The following TLR6 variants were observed in gnomAD, a reference collection of about 807,000 sequenced individuals.
TLR6 encodes the protein toll like receptor 6, also known as toll-like receptor 6.
Under a neutral mutation model 16.1 loss-of-function variants are expected in TLR6, and 9 were observed. That is an observed-to-expected ratio of 0.56 (90% CI 0.34 to 0.98). The LOEUF (loss-of-function observed/expected upper bound fraction) is 0.98, where lower values mean the gene tolerates loss of function less well. Ranked by LOEUF, TLR6 falls within the 50% of genes least tolerant of loss-of-function variation. The pLI is 0.02. For missense variants in TLR6, 786 were observed against 921.0 expected, an observed-to-expected ratio of 0.85 and a Z score of 1.90; for synonymous variants, 340 against 338.6, an observed-to-expected ratio of 1.00 and a Z score of -0.04.
At chr4:38,867,293 G>A in the TLR6 span, among the ~76,000 whole-genome samples, 21 of 152,320 alleles carry the variant, frequency 1.4e-4, no homozygotes, top group East Asian at 2.9e-3. Context: ...CACAAATGTG[G>A]AATTCCTAGG....
Position 38,827,153 on chromosome 4 carries a change from C to T in TLR6, c.2321G>A (p.Trp774Ter). 1 of 1,614,022 alleles carries T rather than the reference C, an allele frequency of 6.2e-7. No individual in the cohort carries two copies. The highest frequency in any genetic ancestry group is 8.5e-7 in the Non-Finnish European group (1 of 1,179,978). Reference sequence around the variant, plus strand: ...ATTAAAAGCGGCTCTAATGTTAGCCCAAAAGAGCCCACGTTTGCTTTTCTC... The same window carrying T: ...ATTAAAAGCGGCTCTAATGTTAGCCTAAAAGAGCCCACGTTTGCTTTTCTC... The change falls in exon 2 of 2, where the codon TGG becomes TAG. Residue 774 changes from tryptophan (W) to a stop codon, truncating the protein, a stop_gained. Coordinates refer to ENST00000436693, the Ensembl canonical transcript of TLR6. LOFTEE classifies it high-confidence loss of function.
chr4:38,840,311 A>C (rs141947790), intron 1 of TLR6, among the ~76,000 whole-genome samples: 1 of 152,326 alleles, frequency 6.6e-6, no homozygotes, highest in East Asian at 1.9e-4. Flanking sequence ...TTACTGACTG[A>C]TTTGAAAATA....
chr4:38,841,686 C>T (rs924659729), intron 1 of TLR6, among the ~76,000 whole-genome samples: 1 of 152,184 alleles, frequency 6.6e-6, no homozygotes, highest in African/African-American at 2.4e-5. Context: ...TATATATATG[C>T]GGTGGTGACC....
At chr4:38,838,121 A>C (rs1712032700) in intron 1 of TLR6, among the ~76,000 whole-genome samples, 1 of 152,228 alleles carries the variant, frequency 6.6e-6, no homozygotes, top group East Asian at 1.9e-4. Flanking sequence ...TGCAGAGAAA[A>C]GGGAACTCTT....
At chr4:38,857,718 C>T (rs2174284), upstream of TLR6, among the ~76,000 whole-genome samples, 22,427 of 152,126 alleles carry the variant, frequency 0.15, 2,202 homozygotes, top group Middle Eastern at 0.38. Context: ...TGGACATCTC[C>T]GTAAGAATCA....
intron 1 of TLR6, among the ~76,000 whole-genome samples, chr4:38,851,782 A>G (rs2109470603): frequency 6.6e-6 from 1 of 152,330 alleles, no homozygotes; most frequent in South Asian, 2.1e-4. Context: ...AAGAATCAAT[A>G]TCATGAAAAT....
intron 1 of TLR6, among the ~76,000 whole-genome samples, chr4:38,836,500 C>A (rs187843671): frequency 2.6e-5 from 4 of 152,274 alleles, no homozygotes; most frequent in African/African-American, 4.8e-5. Context: ...CATTTCCCAA[C>A]AAAGAAAATC....
At chr4:38,860,769 A>C (rs1713176926), upstream of TLR6, among the ~76,000 whole-genome samples, 1 of 152,184 alleles carries the variant, frequency 6.6e-6, no homozygotes, top group Non-Finnish European at 1.5e-5. Flanking sequence ...GAACATGGGA[A>C]AATACAAATT....
chr4:38,864,377 G>C, the TLR6 span, among the ~76,000 whole-genome samples: 1 of 152,132 alleles, frequency 6.6e-6, no homozygotes. Context: ...CATAATGAAG[G>C]GCGACTCAGC....
chr4:38,830,715 A>AAAAT (rs1369833169), intron 1 of TLR6, among the ~76,000 whole-genome samples: 14 of 152,294 alleles, frequency 9.2e-5, no homozygotes, highest in South Asian at 4.1e-4. Context: ...ACCCTGTCAA[A>AAAAT]AAATAAATAA....
intron 1 of TLR6, among the ~76,000 whole-genome samples, chr4:38,836,828 T>C (rs2109433198): frequency 6.6e-6 from 1 of 151,576 alleles, no homozygotes. Context: ...GAATCCCAGC[T>C]ACTCAGGAGG....
chr4:38,851,382 G>T (rs1712766479), intron 1 of TLR6, among the ~76,000 whole-genome samples: 1 of 152,116 alleles, frequency 6.6e-6, no homozygotes, highest in African/African-American at 2.4e-5. Flanking sequence ...GGAAGTTCTG[G>T]CCAGGGCAAT....
chr4:38,854,040 T>C (rs989541387), intron 1 of TLR6, among the ~76,000 whole-genome samples: 3 of 152,242 alleles, frequency 2.0e-5, no homozygotes, highest in Admixed American at 6.5e-5. Flanking sequence ...AAGATTATAA[T>C]GGAACTTTAT....
At chr4:38,842,028 T>TGATCTTCCAGGATTTC (rs1426122541) in intron 1 of TLR6, among the ~76,000 whole-genome samples, 1 of 152,244 alleles carries the variant, frequency 6.6e-6, no homozygotes, top group Non-Finnish European at 1.5e-5. Context: ...TTCAGGATTT[T>TGATCTTCCAGGATTTC]GATCTTCCAG....
intron 1 of TLR6, among the ~76,000 whole-genome samples, chr4:38,833,732 TA>T (rs1429560178): frequency 6.6e-6 from 1 of 151,956 alleles, no homozygotes; most frequent in Non-Finnish European, 1.5e-5. Context: ...GCCTGAAAAG[TA>T]ATTCAAAATA....
intron 1 of TLR6, among the ~76,000 whole-genome samples, chr4:38,856,337 AACG>A (rs1560273714): frequency 6.6e-6 from 1 of 152,348 alleles, no homozygotes; most frequent in East Asian, 1.9e-4. Context: ...TACAGTGACA[AACG>A]ACAAGGGAGA....
upstream of TLR6, among the ~76,000 whole-genome samples, chr4:38,858,797 G>A (rs1166494498): frequency 2.6e-5 from 2 of 77,230 alleles, no homozygotes; most frequent in Non-Finnish European, 5.9e-5. Context: ...GAGAGGGAGA[G>A]AGAGAGAGAG....
At position 38,829,092 on chromosome 4, in the gene TLR6, G is replaced by T. The variant is rs137853178; in HGVS notation, c.382C>A (p.Leu128Ile). 8.1e-6 allele frequency: 13 copies of T among 1,614,000 alleles called. No homozygotes were observed. In the Admixed American group the frequency reaches 1.3e-4, roughly 17 times the overall value. The stretch of plus-strand genomic sequence containing the variant: ...AGGGCCTTGAAATCATTGAATGAGA[G>T]ATCTAAATGCCTGAAACTCACAATA... Residue 128 changes from leucine (L) to isoleucine (I), a missense_variant, in exon 2 of 2, where the codon CTC becomes ATC. Physicochemically the swap from Leu to Ile is conservative, Grantham distance 5. Transcript: ENST00000436693.
chr4:38,835,087 A>G (rs1711843637), intron 1 of TLR6, among the ~76,000 whole-genome samples: 1 of 152,232 alleles, frequency 6.6e-6, no homozygotes, highest in Non-Finnish European at 1.5e-5. Context: ...CCAGAAAACA[A>G]TAAGCCAAAT....
Sources: gnomAD v4.1 joint callset for allele counts (sites outside exome capture counted in the v4.1 genomes callset) on GRCh38, gnomAD v4.1.1 for gene constraint, MANE v1.5 for transcripts, NCBI Gene and HGNC (gene_info 2026-07-23, HGNC 2026-07-21) for gene names.